Variants in XYLT1 observed in about 807,000 individuals in gnomAD.
The protein encoded by XYLT1 is xylosyltransferase 1.
Under a neutral mutation model 91.3 loss-of-function variants are expected in XYLT1, and 36 were observed. The ratio of observed to expected loss-of-function variants is 0.39; its 90% CI spans 0.30 to 0.52. The LOEUF (loss-of-function observed/expected upper bound fraction) is 0.52. XYLT1 is among the 20% of genes least tolerant of loss of function. The pLI is 0.68. For synonymous variants in XYLT1, 588 were observed against 532.0 expected (o/e 1.11, Z -1.45); for missense variants, 1,242 against 1,284.5 (o/e 0.97, Z 0.51).
intron 1 of XYLT1, among the ~76,000 whole-genome samples, chr16:17,427,369 C>T (rs1295189026): frequency 6.6e-6 from 1 of 152,164 alleles, no homozygotes; most frequent in East Asian, 1.9e-4. Flanking sequence ...TGCGATCTCG[C>T]CTCACGGCAG....
intron 10 of XYLT1, among the ~76,000 whole-genome samples, chr16:17,125,927 C>A (rs1355274544): frequency 6.6e-6 from 1 of 152,136 alleles, no homozygotes; most frequent in African/African-American, 2.4e-5. Context: ...GCATGAGATT[C>A]CCATGTATTG....
intron 2 of XYLT1, among the ~76,000 whole-genome samples, chr16:17,293,170 T>C (rs2034256410): frequency 6.6e-6 from 1 of 152,142 alleles, no homozygotes; most frequent in African/African-American, 2.4e-5. Context: ...CTCTGTCGGC[T>C]ACCCCCACTG....
chr16:17,388,071 A>G (rs1327563866), intron 1 of XYLT1, among the ~76,000 whole-genome samples: 5 of 152,206 alleles, frequency 3.3e-5, no homozygotes, highest in Admixed American at 3.3e-4. Flanking sequence ...CCTACCGAAT[A>G]TCACAGCTTA....
intron 5 of XYLT1, among the ~76,000 whole-genome samples, chr16:17,180,120 T>A (rs531824895): frequency 1.3e-5 from 2 of 152,196 alleles, no homozygotes; most frequent in Admixed American, 6.5e-5. Context: ...CTGCAGAAAC[T>A]CAGTGGCAGG....
At position 17,378,233 on chromosome 16, in the gene XYLT1, T is replaced by C. The variant is rs2035627387; in HGVS notation, c.364-20183A>G. Among the ~76,000 whole-genome samples the C allele has an allele frequency of 2.0e-5, 3 of 152,032 alleles. No individual in the cohort carries two copies. In the South Asian group the frequency reaches 6.2e-4, roughly 31 times the overall value. ...ACGAATGTTGAAGGGACAATATGCATGGGTGTGTGTGAGAAAGAGGAAGAG... is the reference window on the plus strand; with the variant it reads ...ACGAATGTTGAAGGGACAATATGCACGGGTGTGTGTGAGAAAGAGGAAGAG... On this transcript the variant is annotated intron_variant, in intron 1 of 11. Transcript: ENST00000261381.
intron 3 of XYLT1, among the ~76,000 whole-genome samples, chr16:17,204,116 G>C (rs1415943993): frequency 2.6e-5 from 4 of 152,220 alleles, no homozygotes; most frequent in Non-Finnish European, 5.9e-5. Flanking sequence ...CGAGTCCAAA[G>C]CCAGCCCTGA....
chr16:17,176,353 A>G (rs2031943821), intron 5 of XYLT1, among the ~76,000 whole-genome samples: 1 of 152,214 alleles, frequency 6.6e-6, no homozygotes, highest in South Asian at 2.1e-4. Flanking sequence ...TACACATTTC[A>G]CAGCTTCATC....
intron 6 of XYLT1, among the ~76,000 whole-genome samples, chr16:17,141,851 A>G (rs1441865889): frequency 6.6e-6 from 1 of 152,218 alleles, no homozygotes; most frequent in Admixed American, 6.5e-5. Context: ...TTCTGATATA[A>G]AGTAATGCCT....
At chr16:17,220,748 C>T (rs1350898349) in intron 3 of XYLT1, among the ~76,000 whole-genome samples, 1 of 152,236 alleles carries the variant, frequency 6.6e-6, no homozygotes, top group Non-Finnish European at 1.5e-5. Context: ...GTTGGGATAA[C>T]AGGTGTGAGC....
At chr16:17,238,225 G>A (rs1698435648) in intron 3 of XYLT1, among the ~76,000 whole-genome samples, 1 of 152,192 alleles carries the variant, frequency 6.6e-6, no homozygotes, top group African/African-American at 2.4e-5. Flanking sequence ...TCTGTAAAAT[G>A]TTCAAATACA....
chr16:17,409,637 C>T (rs2036082298), intron 1 of XYLT1, among the ~76,000 whole-genome samples: 1 of 150,166 alleles, frequency 6.7e-6, no homozygotes, highest in Admixed American at 6.7e-5. Context: ...GCAACCTCTG[C>T]CTATCGGGTT....
At chr16:17,253,159 T>C (rs1401812260) in intron 3 of XYLT1, among the ~76,000 whole-genome samples, 2 of 152,198 alleles carry the variant, frequency 1.3e-5, no homozygotes, top group African/African-American at 4.8e-5. Context: ...ATGGCTTAAA[T>C]GCTATTAATT....
intron 1 of XYLT1, among the ~76,000 whole-genome samples, chr16:17,463,524 T>C (rs1458035087): frequency 6.6e-6 from 1 of 152,168 alleles, no homozygotes; most frequent in Non-Finnish European, 1.5e-5. Context: ...CAGTGAGATA[T>C]CATCTCACCC....
At chr16:17,426,191 G>A (rs979785373) in intron 1 of XYLT1, among the ~76,000 whole-genome samples, 9 of 152,122 alleles carry the variant, frequency 5.9e-5, no homozygotes, top group African/African-American at 1.4e-4. Flanking sequence ...TTCTAGATAC[G>A]GGGAGAAAAA....
intron 1 of XYLT1, among the ~76,000 whole-genome samples, chr16:17,428,126 G>A (rs772575805): frequency 6.6e-6 from 1 of 152,182 alleles, no homozygotes; most frequent in African/African-American, 2.4e-5. Context: ...TGGGATTACA[G>A]GCACACACCA....
rs770963247 is a variant in XYLT1 at position 17,385,179 on chromosome 16, AG to A, written c.364-27130del. Among the ~76,000 whole-genome samples the A allele has an allele frequency of 3.3e-5, 5 of 151,462 alleles. No homozygotes were observed. In the Admixed American group the frequency reaches 3.3e-4, roughly 10 times the overall value. On this transcript the variant is annotated intron_variant, in intron 1 of 11. Coordinates refer to ENST00000261381, the MANE Select transcript of XYLT1 (RefSeq NM_022166.4). ...TCACTCACCTTTATGTCTTATTGGAAGTGTCACCTCTTCGTAGATGTGACAA... is the reference window on the plus strand; with the variant it reads ...TCACTCACCTTTATGTCTTATTGGAATGTCACCTCTTCGTAGATGTGACAA...
intron 11 of XYLT1, 88 bp from the exon 12 acceptor site, chr16:17,109,105 GGT>G: frequency 7.7e-7 from 1 of 1,306,992 alleles, no homozygotes; most frequent in African/African-American, 1.5e-5. Flanking sequence ...TGCTGCACTG[GGT>G]GCCATGCATC....
chr16:17,155,674 C>T (rs1047294422), intron 6 of XYLT1, among the ~76,000 whole-genome samples: 10 of 152,306 alleles, frequency 6.6e-5, no homozygotes, highest in African/African-American at 2.4e-4. Flanking sequence ...TAAATTAATG[C>T]TGAATCACTG....
At chr16:17,438,809 G>GA (rs759734494) in intron 1 of XYLT1, among the ~76,000 whole-genome samples, 41 of 152,120 alleles carry the variant, frequency 2.7e-4, no homozygotes, top group Admixed American at 3.3e-4. Context: ...ATTATCACGA[G>GA]AACAGTAAGG....
Sources: gnomAD v4.1 joint callset for allele counts (sites outside exome capture counted in the v4.1 genomes callset) on GRCh38, gnomAD v4.1.1 for gene constraint, MANE v1.5 for transcripts, NCBI Gene and HGNC (gene_info 2026-07-23, HGNC 2026-07-21) for gene names.